Variants in PCDHA4 observed in about 807,000 individuals in gnomAD.
PCDHA4 encodes the protein protocadherin alpha 4, also known as protocadherin alpha-4.
PCDHA4 carries 49 observed loss-of-function variants against 61.4 expected under a neutral mutation model. The observed-to-expected ratio is 0.80, with a 90% CI of 0.63 to 1.01. PCDHA4 has a LOEUF of 1.01. PCDHA4 is among the 50% of genes least tolerant of loss of function. The pLI is 0.00. For synonymous variants in PCDHA4, 590 were observed against 550.3 expected, an observed-to-expected ratio of 1.07 and a Z score of -1.01; for missense variants, 1,254 against 1,235.8, an observed-to-expected ratio of 1.01 and a Z score of -0.22.
At chr5:140,838,058 CT>C in intron 1 of PCDHA4, among the ~76,000 whole-genome samples, 1 of 146,710 alleles carries the variant, frequency 6.8e-6, no homozygotes, top group East Asian at 2.0e-4. Context: ...TGGTTTTCCA[CT>C]TTAAGTTATA....
At chr5:140,877,225 G>A in intron 1 of PCDHA4, 1 of 1,613,746 alleles carries the variant, frequency 6.2e-7, no homozygotes. Context: ...ACCGCGGTCG[G>A]TGGGTGCGGG....
chr5:140,965,496 ATTT>A (rs71766133), intron 1 of PCDHA4, among the ~76,000 whole-genome samples: 1 of 146,428 alleles, frequency 6.8e-6, no homozygotes. Flanking sequence ...ATGACAGCAG[ATTT>A]TTTTTTTTTT....
At chr5:140,910,794 T>A (rs1431401808) in intron 1 of PCDHA4, among the ~76,000 whole-genome samples, 5 of 152,166 alleles carry the variant, frequency 3.3e-5, no homozygotes, top group Non-Finnish European at 7.3e-5. Flanking sequence ...AAATGCAGAA[T>A]CCCTGCTTAG....
At chr5:140,945,349 T>G (rs578151486) in intron 1 of PCDHA4, among the ~76,000 whole-genome samples, 43 of 152,144 alleles carry the variant, frequency 2.8e-4, no homozygotes, top group Non-Finnish European at 4.9e-4. Context: ...TTGGAAAAAT[T>G]AATACTGTTT....
intron 1 of PCDHA4, chr5:140,928,140 G>C (rs200493520): frequency 2.5e-5 from 41 of 1,614,036 alleles, no homozygotes; most frequent in Non-Finnish European, 3.2e-5. Context: ...TCCTGATCAC[G>C]GCCTCAGATA....
In PCDHA4 at chr5:140,871,306, A is replaced by T. The variant is rs782244596; in HGVS notation, c.2385+61734A>T. The T allele has an allele frequency of 3.7e-6, 6 of 1,613,964 alleles. No homozygotes were observed. In the East Asian group the frequency reaches 1.3e-4, roughly 36 times the overall value. ...CACTGAGGGCGCGTGCGCGCCGGGG[A>T]AGCCCACGCTGGTGTGCTCCCGCGC... On this transcript the variant is annotated intron_variant, in intron 1 of 3. Transcript: ENST00000530339.
intron 1 of PCDHA4, among the ~76,000 whole-genome samples, chr5:140,936,016 C>T (rs1170221921): frequency 6.6e-6 from 1 of 151,732 alleles, no homozygotes; most frequent in Non-Finnish European, 1.5e-5. Context: ...CCTCAGCCTC[C>T]CGAGTAGCGG....
At chr5:140,871,654 A>G in intron 1 of PCDHA4, 3 of 1,238,202 alleles carry the variant, frequency 2.4e-6, no homozygotes, top group East Asian at 2.6e-5. Context: ...CAAATGATAC[A>G]CATCTTCAGT....
At chr5:140,883,544 A>T in intron 1 of PCDHA4, 1 of 1,614,168 alleles carries the variant, frequency 6.2e-7, no homozygotes, top group South Asian at 1.1e-5. Flanking sequence ...ACTGGTGGTG[A>T]CCGCGCGGGA....
rs138671187 is a variant in PCDHA4, at chr5:140,836,499, G to A, written c.2385+26927G>A. 28 of 1,613,758 alleles carry A rather than the reference G, an allele frequency of 1.7e-5. No individual in the cohort carries two copies. In the African/African-American group the frequency reaches 2.8e-4, roughly 16 times the overall value. ...CGTGTACCTGATCATCGCCATCTGC[G>A]CGGTGTCCAGTCTGTTGGTGCTTAC... On this transcript the variant is annotated intron_variant, in intron 1 of 3. Transcript: ENST00000530339.
At chr5:140,879,799 G>C (rs1165330277) in intron 1 of PCDHA4, among the ~76,000 whole-genome samples, 5 of 152,188 alleles carry the variant, frequency 3.3e-5, no homozygotes, top group Non-Finnish European at 7.3e-5. Flanking sequence ...GTTTCTTCCA[G>C]TTTCTATTGG....
intron 3 of PCDHA4, among the ~76,000 whole-genome samples, chr5:140,998,396 T>A (rs2097810780): frequency 6.6e-6 from 1 of 152,212 alleles, no homozygotes. Flanking sequence ...ATGCCATCTT[T>A]ATGCCAAAGT....
chr5:140,922,072 A>G (rs1390677282), intron 1 of PCDHA4, among the ~76,000 whole-genome samples: 1 of 152,198 alleles, frequency 6.6e-6, no homozygotes. Flanking sequence ...AATCCCACTA[A>G]GCAAAAAGTG....
rs1418843235 is a variant in PCDHA4 at position 140,810,477 on chromosome 5, CA to C, written c.2385+906del. 1.8e-4 allele frequency: 27 copies of C among 152,324 alleles called. No individual in the cohort carries two copies. In the East Asian group the frequency reaches 4.6e-3, roughly 26 times the overall value. 9.4% of individuals were successfully genotyped at this position (152,324 alleles called of 1,614,324 possible). A position where few individuals can be genotyped will look rare whatever the true frequency, so the allele number is the denominator to read the frequency against. On this transcript the variant is annotated intron_variant, in intron 1 of 3. Coordinates refer to ENST00000530339, the MANE Select transcript of PCDHA4 (RefSeq NM_018907.4). ...GTGCATAAGGCTTTCTGCTGGGCCA[CA>C]TCATCTCTACATTTGTCAGGTTATT...
intron 1 of PCDHA4, among the ~76,000 whole-genome samples, chr5:140,832,922 A>T (rs1396769346): frequency 5.9e-5 from 9 of 152,314 alleles, no homozygotes; most frequent in African/African-American, 1.7e-4. Flanking sequence ...ACTAACAGGT[A>T]TTCATGAGAA....
intron 1 of PCDHA4, among the ~76,000 whole-genome samples, chr5:140,906,958 G>A (rs1220105162): frequency 1.3e-5 from 2 of 152,124 alleles, no homozygotes; most frequent in Non-Finnish European, 2.9e-5. Flanking sequence ...CAGTTTAATG[G>A]AATCGTGGTT....
intron 1 of PCDHA4, among the ~76,000 whole-genome samples, chr5:140,964,964 C>T (rs1035701368): frequency 2.6e-5 from 4 of 152,212 alleles, no homozygotes; most frequent in Non-Finnish European, 4.4e-5. Flanking sequence ...GTTGGTGGAA[C>T]GAAGGGATGT....
chr5:140,899,102 G>A (rs1156372420), intron 1 of PCDHA4, among the ~76,000 whole-genome samples: 1 of 152,066 alleles, frequency 6.6e-6, no homozygotes, highest in Non-Finnish European at 1.5e-5. Flanking sequence ...TGAGATAATG[G>A]GGTTTTCTAG....
At chr5:140,880,694 A>T (rs1254061280) in intron 1 of PCDHA4, among the ~76,000 whole-genome samples, 1 of 152,346 alleles carries the variant, frequency 6.6e-6, no homozygotes, top group South Asian at 2.1e-4. Context: ...AGTCATGGTT[A>T]AGTGACAATG....
Sources: gnomAD v4.1 joint callset for allele counts (sites outside exome capture counted in the v4.1 genomes callset) on GRCh38, gnomAD v4.1.1 for gene constraint, MANE v1.5 for transcripts, NCBI Gene and HGNC (gene_info 2026-07-23, HGNC 2026-07-21) for gene names.